CFAP54: variants seen among roughly 807,000 people sequenced by gnomAD.
CFAP54 encodes the protein cilia and flagella associated protein 54, also known as cilia- and flagella-associated protein 54.
Under a neutral mutation model 370.4 loss-of-function variants are expected in CFAP54, and 290 were observed. The ratio of observed to expected loss-of-function variants is 0.78; its 90% CI spans 0.71 to 0.86. CFAP54 has a LOEUF of 0.86. Ranked by LOEUF, CFAP54 falls within the 40% of genes least tolerant of loss-of-function variation. The probability of loss-of-function intolerance (pLI) is 0.00; values close to 1 mark genes in which losing one functional copy is unlikely to be tolerated. For synonymous variants in CFAP54, 1,206 were observed against 1,236.5 expected, an observed-to-expected ratio of 0.98 and a Z score of 0.52; for missense variants, 3,399 against 3,528.7, an observed-to-expected ratio of 0.96 and a Z score of 0.93.
chr12:96,867,066 T>A (rs1028259693), intron 67 of CFAP54, among the ~76,000 whole-genome samples: 1 of 152,156 alleles, frequency 6.6e-6, no homozygotes, highest in African/African-American at 2.4e-5. Flanking sequence ...GAGTTTGTTT[T>A]CCTAGTAATA....
At chr12:96,819,827 C>T (rs562351296) in intron 65 of CFAP54, among the ~76,000 whole-genome samples, 1 of 152,148 alleles carries the variant, frequency 6.6e-6, no homozygotes, top group African/African-American at 2.4e-5. Flanking sequence ...ACGCATTTTC[C>T]TCTGGAGCCT....
chr12:96,787,020 G>A (rs959803706), intron 62 of CFAP54, 122 bp downstream of exon 62: 1 of 764,784 alleles, frequency 1.3e-6, no homozygotes, highest in Non-Finnish European at 2.0e-6. Flanking sequence ...GAGTTCTAGG[G>A]AAGGCTCATT....
At chr12:96,563,357 G>A (rs1955834982) in intron 17 of CFAP54, among the ~76,000 whole-genome samples, 1 of 152,160 alleles carries the variant, frequency 6.6e-6, no homozygotes, top group Non-Finnish European at 1.5e-5. Context: ...TCTTTCTTTA[G>A]CATGCTGTTG....
intron 14 of CFAP54, among the ~76,000 whole-genome samples, chr12:96,541,284 T>TC (rs1955565787): frequency 1.4e-5 from 2 of 144,348 alleles, no homozygotes; most frequent in Admixed American, 1.5e-4. Flanking sequence ...TCACTTTCTC[T>TC]CCCTTTTTTT....
chr12:96,572,236 T>A (rs753213106), intron 19 of CFAP54, among the ~76,000 whole-genome samples: 3 of 152,100 alleles, frequency 2.0e-5, no homozygotes, highest in Non-Finnish European at 4.4e-5. Context: ...AGGTAACATA[T>A]TATGTAATAC....
At chr12:96,755,249 G>A (rs892800326) in intron 56 of CFAP54, among the ~76,000 whole-genome samples, 2 of 151,974 alleles carry the variant, frequency 1.3e-5, no homozygotes, top group Admixed American at 6.6e-5. Context: ...TATATTTATG[G>A]GGTATAGTGT....
chr12:96,733,438 C>T (rs2136630569), intron 50 of CFAP54, among the ~76,000 whole-genome samples: 1 of 152,054 alleles, frequency 6.6e-6, no homozygotes, highest in Non-Finnish European at 1.5e-5. Context: ...TGAGAACAAA[C>T]TGACCATTTT....
intron 60 of CFAP54, among the ~76,000 whole-genome samples, chr12:96,766,480 CTGTT>C (rs1456961416): frequency 1.3e-5 from 2 of 152,164 alleles, no homozygotes; most frequent in Non-Finnish European, 2.9e-5. Flanking sequence ...TTGCTTAACA[CTGTT>C]TGGCAGCTCA....
At chr12:96,689,508 G>T (rs1328151771) in intron 43 of CFAP54, among the ~76,000 whole-genome samples, 3 of 152,138 alleles carry the variant, frequency 2.0e-5, no homozygotes, top group African/African-American at 7.2e-5. Context: ...CACTGCAGAA[G>T]AAGGAGTTTT....
chr12:96,502,412 A>AT (rs1189865115), intron 2 of CFAP54, among the ~76,000 whole-genome samples: 2 of 150,360 alleles, frequency 1.3e-5, no homozygotes, highest in African/African-American at 5.0e-5. Flanking sequence ...AAAAAAAAAA[A>AT]AAAAAAAGGT....
intron 56 of CFAP54, among the ~76,000 whole-genome samples, chr12:96,754,696 GA>G (rs1475200765): frequency 1.3e-5 from 2 of 152,002 alleles, no homozygotes; most frequent in East Asian, 3.8e-4. Flanking sequence ...AGTGATTATA[GA>G]AGTTTCCTTT....
intron 55 of CFAP54, among the ~76,000 whole-genome samples, chr12:96,750,323 A>G (rs1351203187): frequency 6.6e-6 from 1 of 151,982 alleles, no homozygotes; most frequent in Non-Finnish European, 1.5e-5. Context: ...GCTCTGGAGA[A>G]GCTGATATTG....
chr12:96,534,262 T>G (rs1000464955), intron 11 of CFAP54, 35 bp downstream of exon 11: 2 of 1,200,766 alleles, frequency 1.7e-6, no homozygotes, highest in African/African-American at 3.0e-5. Context: ...AAAATTTAGT[T>G]TGACGAAATA....
At chr12:96,509,330 A>G (rs1395843915) in intron 4 of CFAP54, among the ~76,000 whole-genome samples, 1 of 152,068 alleles carries the variant, frequency 6.6e-6, no homozygotes, top group East Asian at 1.9e-4. Flanking sequence ...AAGTGCAAAG[A>G]CCCTGAAGTT....
In CFAP54 at chr12:96,829,015, A is replaced by T. The variant is rs1959158981; in HGVS notation, c.9098A>T (p.Asp3033Val). 2 of 1,488,024 alleles carry T rather than the reference A, an allele frequency of 1.3e-6. No homozygotes were observed. The highest frequency in any genetic ancestry group is 2.8e-5 in the African/African-American group (2 of 72,054). 92.2% of individuals were successfully genotyped at this position (1,488,024 alleles called of 1,614,324 possible). Residue 3033 changes from aspartate (D) to valine (V), a missense_variant and splice_region_variant, in exon 66 of 68, where the codon GAC becomes GTC. Physicochemically the swap from Asp to Val is radical, Grantham distance 152. This residue lies in a region of CFAP54 where 2,796 missense variants were observed against 2,869.7 expected (regional missense o/e 0.97). Coordinates refer to ENST00000524981, the MANE Select transcript of CFAP54 (RefSeq NM_001306084.2). ...GTATTACTATCTTCTTATTTCTAGG[A>T]CATGATTATTCAATGTTGCTCTGAA... The part of the protein sequence containing the change: ...EEESVDNEME[D>V]MIIQCCSEIA...
Position 96,630,623 on chromosome 12 carries a change from G to A in CFAP54, c.4288G>A (p.Ala1430Thr). ...TLRDFIFKNP[A>T]ISEMVAHERN... is the part of the protein sequence containing the mutation. The stretch of plus-strand genomic sequence containing the variant: ...AAGAGATTTCATTTTTAAAAATCCG[G>A]CTATTTCTGAAATGGTGGCACATGA... The change falls in exon 32 of 68, where the codon GCT becomes ACT. Residue 1430 changes from alanine to threonine, a missense_variant. Ala to Thr is a moderately conservative substitution (Grantham distance 58). Transcript: ENST00000524981. 2 of 1,498,062 alleles carry A rather than the reference G, an allele frequency of 1.3e-6. No individual in the cohort carries two copies. Among genetic ancestry groups the A allele is most frequent in the Admixed American group, 2.3e-5 (1 of 43,936 alleles). 92.8% of individuals were successfully genotyped at this position (1,498,062 alleles called of 1,614,324 possible). A position where few individuals can be genotyped will look rare whatever the true frequency, so the allele number is the denominator to read the frequency against.
Position 96,720,181 on chromosome 12 carries a change from G to A in CFAP54, c.6805-224G>A, listed in dbSNP as rs538666512. Among the ~76,000 whole-genome samples, 8 of 152,272 alleles carry A rather than the reference G, an allele frequency of 5.3e-5. 1 individual carries two copies. The South Asian group carries it at 1.7e-3, about 32-fold the overall frequency. On this transcript the variant is annotated intron_variant, in intron 49 of 67. Coordinates refer to ENST00000524981, the MANE Select transcript of CFAP54 (RefSeq NM_001306084.2). ...AGCACCAGCTGTGCACACAAGAAAAGGTCACTGTCATGCATGCTGACGCTT... is the reference window on the plus strand; with the variant it reads ...AGCACCAGCTGTGCACACAAGAAAAAGTCACTGTCATGCATGCTGACGCTT...
chr12:96,512,720 T>C (rs1955187083), intron 4 of CFAP54, among the ~76,000 whole-genome samples: 1 of 152,144 alleles, frequency 6.6e-6, no homozygotes, highest in African/African-American at 2.4e-5. Context: ...TTTTGTTCAT[T>C]ATACTTCAAA....
intron 67 of CFAP54, among the ~76,000 whole-genome samples, chr12:96,861,161 G>C (rs577332395): frequency 6.6e-6 from 1 of 152,308 alleles, no homozygotes; most frequent in African/African-American, 2.4e-5. Context: ...GCTATTCATA[G>C]AAAACAAGTT....
Sources: gnomAD v4.1 joint callset for allele counts (sites outside exome capture counted in the v4.1 genomes callset) on GRCh38, gnomAD v4.1.1 for gene constraint, gnomAD v4.1.1 regional missense constraint, MANE v1.5 for transcripts, NCBI Gene and HGNC (gene_info 2026-07-23, HGNC 2026-07-21) for gene names.